Variants in ARL13B observed in about 807,000 individuals in gnomAD.
The protein encoded by ARL13B is ADP-ribosylation factor-like protein 13B.
In ARL13B, 36 loss-of-function variants were observed where a neutral mutation model predicts 56.1. The observed-to-expected ratio is 0.64, with a 90% CI of 0.49 to 0.85. The LOEUF is 0.85. Ranked by LOEUF, ARL13B falls within the 40% of genes least tolerant of loss-of-function variation. The probability of loss-of-function intolerance (pLI) is 0.00; values close to 1 mark genes in which losing one functional copy is unlikely to be tolerated. For synonymous variants in ARL13B, 178 were observed against 171.1 expected (o/e 1.04, Z -0.32); for missense variants, 519 against 507.1 (o/e 1.02, Z -0.23).
chr3:94,041,321 GA>G (rs375861136), intron 6 of ARL13B, among the ~76,000 whole-genome samples: 1 of 151,658 alleles, frequency 6.6e-6, no homozygotes, highest in African/African-American at 2.4e-5. Flanking sequence ...AAATCTGAGA[GA>G]AAAAAATAAT....
At position 93,980,208 on chromosome 3, in the gene ARL13B, G is replaced by T. The variant is rs1710135478; in HGVS notation, c.-216G>T. 1 of 706,072 alleles carries T rather than the reference G, an allele frequency of 1.4e-6. No homozygotes were observed. Among genetic ancestry groups the T allele is most frequent in the Non-Finnish European group, 2.6e-6 (1 of 391,490 alleles). 43.7% of individuals were successfully genotyped at this position (706,072 alleles called of 1,614,324 possible). On this transcript the variant is annotated 5_prime_UTR_variant, in exon 1 of 10. Transcript: ENST00000394222. ...CGGCTACGGTGTATCTGCGTCTTTGGTCAGGTTGTTCCTTGGCTAAGAGGG... is the reference window on the plus strand; with the variant it reads ...CGGCTACGGTGTATCTGCGTCTTTGTTCAGGTTGTTCCTTGGCTAAGAGGG...
chr3:94,037,337 T>G (rs1372714038), intron 5 of ARL13B, among the ~76,000 whole-genome samples: 1 of 152,200 alleles, frequency 6.6e-6, no homozygotes, highest in South Asian at 2.1e-4. Context: ...ATCTGGCCTT[T>G]TATGTAGTTT....
intron 3 of ARL13B, among the ~76,000 whole-genome samples, chr3:94,023,015 T>A (rs2076482207): frequency 6.6e-6 from 1 of 152,026 alleles, no homozygotes; most frequent in South Asian, 2.1e-4. Flanking sequence ...GAAACTCTAA[T>A]GTAACCTGAT....
intron 1 of ARL13B, among the ~76,000 whole-genome samples, chr3:93,981,892 A>G (rs1238845954): frequency 3.3e-5 from 5 of 151,374 alleles, no homozygotes; most frequent in African/African-American, 1.2e-4. Flanking sequence ...AAAAAAAAGA[A>G]AAAAGTCAAA....
chr3:94,052,188 A>G (rs1445110683), intron 9 of ARL13B, among the ~76,000 whole-genome samples: 1 of 152,198 alleles, frequency 6.6e-6, no homozygotes, highest in African/African-American at 2.4e-5. Context: ...CATATGAAGA[A>G]AAAATACCAA....
intron 1 of ARL13B, 78 bp downstream of exon 1, chr3:93,980,560 C>G: frequency 6.4e-7 from 1 of 1,571,578 alleles, no homozygotes; most frequent in East Asian, 2.2e-5. Flanking sequence ...CCGCCTTTTC[C>G]CCGCGCCTGG....
At position 94,054,849 on chromosome 3, in the gene ARL13B, A is replaced by G; in HGVS notation, c.*1586A>G. ...AAATTTGAGAGGTGGCTGAAATGTG[A>G]TGAAAAGCAATACGAAAAGACAATG... On this transcript the variant is annotated 3_prime_UTR_variant, in exon 10 of 10. Transcript: ENST00000394222. 1 of 357,104 alleles carries G rather than the reference A, an allele frequency of 2.8e-6. No homozygotes were observed. The highest frequency in any genetic ancestry group is 8.1e-5 in the East Asian group (1 of 12,382). 22.1% of individuals were successfully genotyped at this position (357,104 alleles called of 1,614,324 possible). A position where few individuals can be genotyped will look rare whatever the true frequency, so the allele number is the denominator to read the frequency against.
intron 6 of ARL13B, among the ~76,000 whole-genome samples, chr3:94,040,772 G>A (rs954798037): frequency 1.3e-5 from 2 of 151,314 alleles, no homozygotes; most frequent in African/African-American, 4.9e-5. Context: ...TGAGAGAGAA[G>A]AGGTCAAGTT....
chr3:94,024,987 G>A (rs2076526130), intron 3 of ARL13B, among the ~76,000 whole-genome samples: 1 of 152,120 alleles, frequency 6.6e-6, no homozygotes, highest in Admixed American at 6.5e-5. Context: ...AATTGCTATT[G>A]GAGCACAGTG....
rs2076068917 is a variant in ARL13B at position 94,002,348 on chromosome 3, T to C, written c.131-1311T>C. On this transcript the variant is annotated intron_variant, in intron 2 of 9. Transcript: ENST00000394222. ...TACCAAAGTGCTGAGATTTCAGGCC[T>C]GAGCCACTGTACCCAGCCACCACAT... Among the ~76,000 whole-genome samples the C allele has an allele frequency of 2.0e-5, 3 of 152,294 alleles. No homozygotes were observed. In the South Asian group the frequency reaches 6.2e-4, roughly 32 times the overall value.
chr3:93,983,147 C>T (rs1017197816), intron 1 of ARL13B, among the ~76,000 whole-genome samples: 2 of 152,088 alleles, frequency 1.3e-5, no homozygotes, highest in African/African-American at 4.8e-5. Context: ...TTCTGTACCC[C>T]AGTACCCATT....
chr3:94,016,240 G>A (rs540495655), intron 3 of ARL13B, among the ~76,000 whole-genome samples: 105 of 152,184 alleles, frequency 6.9e-4, no homozygotes, highest in Admixed American at 5.6e-3. Flanking sequence ...GATAAGAAGA[G>A]GCTGTTAGGG....
intron 3 of ARL13B, among the ~76,000 whole-genome samples, chr3:94,006,030 G>A (rs2076128510): frequency 1.3e-5 from 2 of 152,184 alleles, no homozygotes; most frequent in Admixed American, 1.3e-4. Flanking sequence ...GCCGGGCACG[G>A]TGGCTCACGC....
In ARL13B at chr3:94,003,672, T is replaced by C. The variant is rs1310050371; in HGVS notation, c.144T>C (p.Asp48=). 3 of 1,613,244 alleles carry C rather than the reference T, an allele frequency of 1.9e-6. No individual in the cohort carries two copies. The highest frequency in any genetic ancestry group is 1.6e-4 in the Middle Eastern group (1 of 6,080). ...AKGIQGEYPE[D]VAPTVGFSKI... The stretch of plus-strand genomic sequence containing the variant: ...CATTTGTAACAGAATACCCTGAAGA[T>C]GTAGCTCCTACTGTTGGATTTTCAA... The change falls in exon 3 of 10, where the codon GAT becomes GAC. Residue 48 remains aspartate (D), a synonymous_variant. Transcript: ENST00000394222.
intron 3 of ARL13B, among the ~76,000 whole-genome samples, chr3:94,006,500 C>A (rs979546799): frequency 6.6e-6 from 1 of 152,020 alleles, no homozygotes; most frequent in African/African-American, 2.4e-5. Flanking sequence ...AGTGTTACCT[C>A]CCTTCAATTC....
intron 3 of ARL13B, among the ~76,000 whole-genome samples, chr3:94,020,964 A>G (rs1387364877): frequency 6.6e-6 from 1 of 151,906 alleles, no homozygotes; most frequent in Non-Finnish European, 1.5e-5. Flanking sequence ...TCTATATTCT[A>G]CTTTACTGGC....
chr3:94,025,109 T>G (rs916689397), intron 3 of ARL13B, among the ~76,000 whole-genome samples: 16 of 152,174 alleles, frequency 1.1e-4, no homozygotes, highest in African/African-American at 3.6e-4. Context: ...CTATAAAGGT[T>G]GTTTTTTTCC....
chr3:93,985,007 CTCAATCAA>C lies in ARL13B; in HGVS notation c.59+4547_59+4554del, dbSNP rs71621580. On this transcript the variant is annotated intron_variant, in intron 1 of 9. Coordinates refer to ENST00000394222, the MANE Select transcript of ARL13B (RefSeq NM_001174150.2). Reference sequence around the variant, plus strand: ...CCTGGGTGACAAAGTGAAACCCTGTCTCAATCAATCAATCAATCAATCAATCAATAAGA... The same window carrying C: ...CCTGGGTGACAAAGTGAAACCCTGTCTCAATCAATCAATCAATCAATAAGA... 7.0e-3 allele frequency among the ~76,000 whole-genome samples: 1,055 copies of C among 150,910 alleles called. 5 individuals carry two copies. Among genetic ancestry groups the C allele is most frequent in the South Asian group, 0.024 (114 of 4,724 alleles).
intron 2 of ARL13B, 132 bp from the exon 3 acceptor site, chr3:94,003,527 A>G: frequency 9.9e-7 from 1 of 1,010,946 alleles, no homozygotes; most frequent in South Asian, 1.5e-5. Context: ...CCAAACCAGT[A>G]TGCTTCAAAA....
Sources: allele counts gnomAD v4.1 joint callset (sites outside exome capture counted in the v4.1 genomes callset), GRCh38; gene constraint gnomAD v4.1.1; transcripts MANE v1.5; gene names NCBI Gene and HGNC (gene_info 2026-07-23, HGNC 2026-07-21).